The following PLCB3 variants were observed in gnomAD, a reference collection of about 807,000 sequenced individuals.
PLCB3 encodes the protein phospholipase C beta 3.
PLCB3 carries 54 observed loss-of-function variants against 152.1 expected under a neutral mutation model. That is an observed-to-expected ratio of 0.36 (90% CI 0.29 to 0.45). PLCB3 has a LOEUF of 0.45. PLCB3 is among the 20% of genes least tolerant of loss of function. The pLI is 1.00. For missense variants in PLCB3, 1,248 were observed against 1,687.5 expected (o/e 0.74, Z 4.56); for synonymous variants, 717 against 698.7 (o/e 1.03, Z -0.41).
chr11:64,251,794 A>C, intron 1 of PLCB3, 46 bp downstream of exon 1: 2 of 1,154,178 alleles, frequency 1.7e-6, no homozygotes, highest in South Asian at 4.1e-5. Context: ...GGACTCTTTC[A>C]GTCAAGCTCG....
chr11:64,266,209 G>A lies in PLCB3; in HGVS notation c.3266+7G>A, dbSNP rs372646384. On this transcript the variant is annotated splice_region_variant and intron_variant, in intron 27 of 30. Coordinates refer to ENST00000279230, the MANE Select transcript of PLCB3 (RefSeq NM_000932.5). This position sits in a 1 kb window ranked among gnomAD's most constrained non-coding sequence, Gnocchi z 4.9. ...TGAAAGAGATGAACGAGAGGTGAAA[G>A]CCGAGGATTGTCTATGGGAAGGGCT... The A allele has an allele frequency of 3.1e-6, 5 of 1,613,960 alleles. No homozygotes were observed. In the African/African-American group the frequency reaches 6.7e-5, roughly 22 times the overall value.
Position 64,266,072 on chromosome 11 carries a change from C to T in PLCB3, c.3189+33C>T. ...GCCTGCAGTGGCCAGGGAAAGCCTG[C>T]TGGATAGACCCGTCGTCAGCCCGGC... On this transcript the variant is annotated intron_variant, in intron 26 of 30. Coordinates refer to ENST00000279230, the MANE Select transcript of PLCB3 (RefSeq NM_000932.5). The surrounding 1 kb of genome is among the most constrained non-coding windows in gnomAD (Gnocchi z 4.9). The T allele has an allele frequency of 6.2e-7, 1 of 1,613,906 alleles. No homozygotes were observed. The highest frequency in any genetic ancestry group is 8.5e-7 in the Non-Finnish European group (1 of 1,179,906).
In PLCB3 at chr11:64,266,619, T is replaced by C. The variant is rs559776187; in HGVS notation, c.3414+67T>C. 7.4e-6 allele frequency: 11 copies of C among 1,485,904 alleles called. No homozygotes were observed. In the East Asian group the frequency reaches 2.3e-4, roughly 31 times the overall value. 92.0% of individuals were successfully genotyped at this position (1,485,904 alleles called of 1,614,324 possible). A position where few individuals can be genotyped will look rare whatever the true frequency, so the allele number is the denominator to read the frequency against. The stretch of plus-strand genomic sequence containing the variant: ...TTCACTCATCAGACACCCATCTCCA[T>C]GCCTGGCCTGGTGCCACGTTGCCCT... On this transcript the variant is annotated intron_variant, in intron 29 of 30. Transcript: ENST00000279230. The surrounding 1 kb of genome is among the most constrained non-coding windows in gnomAD (Gnocchi z 4.9).
In PLCB3 at chr11:64,261,444, G is replaced by C. The variant is rs200923408; in HGVS notation, c.1776G>C (p.Thr592=). Residue 592 remains threonine (T), a synonymous_variant, in exon 15 of 31, where the codon ACG becomes ACC. Transcript: ENST00000279230. ...TGAATGCCACTGAGGAGATGTCCACGCTTGTCAACTACATCGAACCTGTCA... is the reference window on the plus strand; with the variant it reads ...TGAATGCCACTGAGGAGATGTCCACCCTTGTCAACTACATCGAACCTGTCA... ...SEVNATEEMS[T]LVNYIEPVKF... 6.2e-7 allele frequency: 1 copy of C among 1,614,162 alleles called. No individual in the cohort carries two copies. The highest frequency in any genetic ancestry group is 8.5e-7 in the Non-Finnish European group (1 of 1,180,014).
chr11:64,265,940 G>A lies in PLCB3; in HGVS notation c.3090G>A (p.Arg1030=), dbSNP rs1286025199. 1.2e-6 allele frequency: 2 copies of A among 1,613,824 alleles called. No homozygotes were observed. The highest frequency in any genetic ancestry group is 1.7e-5 in the Admixed American group (1 of 60,020). The change falls in exon 26 of 31, where the codon CGG becomes CGA. Residue 1030 remains arginine, a synonymous_variant. Transcript: ENST00000279230. ...DTKEGEDEAK[R]YQEFQNRQVQ... ...AGGAGGGGGAGGACGAGGCAAAGCG[G>A]TATCAGGAGTTCCAGAACAGACAGG... is the stretch of plus-strand genomic sequence containing the variant.
Position 64,266,105 on chromosome 11 carries a change from G to C in PLCB3, c.3190-21G>C, listed in dbSNP as rs764163676. The C allele has an allele frequency of 6.2e-7, 1 of 1,614,040 alleles. No homozygotes were observed. Among genetic ancestry groups the C allele is most frequent in the South Asian group, 1.1e-5 (1 of 91,084 alleles). ...ACCCGTCGTCAGCCCGGCATCACCT[G>C]TCAGCTCCCTGTGTCCACAGGCTCT... On this transcript the variant is annotated intron_variant, in intron 26 of 30. Transcript: ENST00000279230. This position sits in a 1 kb window ranked among gnomAD's most constrained non-coding sequence, Gnocchi z 4.9.
In PLCB3 at chr11:64,263,492, C is replaced by T; in HGVS notation, c.2356-6C>T. The T allele has an allele frequency of 1.3e-6, 2 of 1,545,260 alleles. No individual in the cohort carries two copies. Among genetic ancestry groups the T allele is most frequent in the Non-Finnish European group, 1.8e-6 (2 of 1,142,784 alleles). On this transcript the variant is annotated splice_region_variant and splice_polypyrimidine_tract_variant and intron_variant, in intron 19 of 30. Transcript: ENST00000279230. ...CCCTGTGGCTCAGCTCCAGTCTGGC[C>T]CACAGGTGGTGCTGCCCACGCTGGC...
rs5792316 is a variant in PLCB3 at position 64,256,997 on chromosome 11, C to CTTTTTTTTTTTTTTTTTT, written c.1012+240_1012+257dup. On this transcript the variant is annotated intron_variant, in intron 10 of 30. Transcript: ENST00000279230. ...CTGCAGCAGGAGAGACTTCAGGGTC[C>CTTTTTTTTTTTTTTTTTT]TTTTTTTTTTTTTTTTTTTTTTTTG... Among the ~76,000 whole-genome samples the CTTTTTTTTTTTTTTTTTT allele has an allele frequency of 6.4e-3, 391 of 61,568 alleles. 1 individual carries two copies. Among genetic ancestry groups the CTTTTTTTTTTTTTTTTTT allele is most frequent in the Non-Finnish European group, 9.2e-3 (322 of 34,908 alleles). The allele number at this position is 61,568 out of a possible 152,430, so 40.4% of individuals were successfully genotyped here.
At chr11:64,265,127 G>A (rs1365592651) in intron 23 of PLCB3, 23 bp downstream of exon 23, 2 of 1,554,026 alleles carry the variant, frequency 1.3e-6, no homozygotes, top group Non-Finnish European at 1.7e-6. Context: ...CTGGGTCGGG[G>A]GTGGGCTGCA....
chr11:64,261,179 C>T (rs2031829228), intron 14 of PLCB3, among the ~76,000 whole-genome samples: 1 of 152,206 alleles, frequency 6.6e-6, no homozygotes, highest in Admixed American at 6.5e-5. Flanking sequence ...GTGGCGGGCG[C>T]CTGTAATCCC....
rs1479964063 is a variant in PLCB3 at position 64,260,226 on chromosome 11, A to G, written c.1723A>G (p.Thr575Ala). ...ACAGACAGACCCCAAAAAGCCAACT[A>G]CAGATGAGGTCAGGCCCACAGGGTG... ...EEQTDPKKPTTDEGTASSEVN... is the reference protein window; with the variant it reads ...EEQTDPKKPTADEGTASSEVN... The change falls in exon 14 of 31, where the codon ACA becomes GCA. Residue 575 changes from threonine (T) to alanine (A), a missense_variant. By Grantham distance (58) the Thr-to-Ala change is moderately conservative. Coordinates refer to ENST00000279230, the MANE Select transcript of PLCB3 (RefSeq NM_000932.5). 3 of 1,561,480 alleles carry G rather than the reference A, an allele frequency of 1.9e-6. No homozygotes were observed. In the Admixed American group the frequency reaches 5.8e-5, roughly 30 times the overall value.
chr11:64,254,745 C>T lies in PLCB3; in HGVS notation c.178-3C>T, dbSNP rs1381331657. ...ACTCAGCCTGGCATCTGGTTCCCCC[C>T]AGGAGGTGGACACACTGGACATCAG... On this transcript the variant is annotated splice_region_variant and splice_polypyrimidine_tract_variant and intron_variant, in intron 2 of 30. Transcript: ENST00000279230. 3 of 1,612,634 alleles carry T rather than the reference C, an allele frequency of 1.9e-6. No homozygotes were observed. In the South Asian group the frequency reaches 3.3e-5, roughly 18 times the overall value.
chr11:64,255,412 C>A lies in PLCB3; in HGVS notation c.484C>A (p.Leu162Met). ...CCTTCCCAGATACACGAAGCTGAAG[C>A]TGCAGGTGAACCAGGATGGTCGGAT... ...FLRKAYTKLKLQVNQDGRIPV... is the reference protein window; with the variant it reads ...FLRKAYTKLKMQVNQDGRIPV... The change falls in exon 6 of 31, where the codon CTG becomes ATG. Residue 162 changes from leucine (L) to methionine (M), a missense_variant. Physicochemically the swap from Leu to Met is conservative, Grantham distance 15. Coordinates refer to ENST00000279230, the MANE Select transcript of PLCB3 (RefSeq NM_000932.5). This position sits in a 1 kb window ranked among gnomAD's most constrained non-coding sequence, Gnocchi z 6.8. The A allele has an allele frequency of 1.9e-6, 3 of 1,614,182 alleles. No homozygotes were observed. The highest frequency in any genetic ancestry group is 2.5e-6 in the Non-Finnish European group (3 of 1,180,020).
At chr11:64,268,082 G>A (rs1433801311), downstream of PLCB3, among the ~76,000 whole-genome samples, 1 of 152,086 alleles carries the variant, frequency 6.6e-6, no homozygotes, top group Non-Finnish European at 1.5e-5. Flanking sequence ...CTGAGCTTCC[G>A]TGGCCTTCTG....
chr11:64,259,914 G>C, intron 13 of PLCB3, 115 bp from the exon 14 acceptor site: 1 of 819,688 alleles, frequency 1.2e-6, no homozygotes, highest in Non-Finnish European at 1.9e-6. Context: ...TGCCCTGAGA[G>C]TACCCCTTGA....
intron 19 of PLCB3, 89 bp downstream of exon 19, chr11:64,262,897 A>G (rs2031927991): frequency 2.2e-6 from 3 of 1,342,792 alleles, no homozygotes; most frequent in Admixed American, 3.6e-5. Context: ...AACCAGGCAC[A>G]CCGTTGGCGA....
Position 64,255,533 on chromosome 11 carries a change from C to T in PLCB3, c.522-8C>T, listed in dbSNP as rs574244020. 39 of 1,614,072 alleles carry T rather than the reference C, an allele frequency of 2.4e-5. No homozygotes were observed. In the South Asian group the frequency reaches 3.4e-4, roughly 14 times the overall value. The stretch of plus-strand genomic sequence containing the variant: ...CCACTGACCCTGAACCCCTCCTGCC[C>T]GCATCAGCATCCTGAAGATGTTCTC... On this transcript the variant is annotated splice_polypyrimidine_tract_variant and splice_region_variant and intron_variant, in intron 6 of 30. Coordinates refer to ENST00000279230, the MANE Select transcript of PLCB3 (RefSeq NM_000932.5). This position sits in a 1 kb window ranked among gnomAD's most constrained non-coding sequence, Gnocchi z 6.8.
At chr11:64,254,232 C>T (rs1356068900) in intron 1 of PLCB3, among the ~76,000 whole-genome samples, 183 bp from the exon 2 acceptor site, 1 of 152,094 alleles carries the variant, frequency 6.6e-6, no homozygotes, top group Non-Finnish European at 1.5e-5. Flanking sequence ...CACTAAATGT[C>T]ACACCTAGGA....
chr11:64,252,167 G>T (rs1053882817), intron 1 of PLCB3, among the ~76,000 whole-genome samples: 2 of 151,994 alleles, frequency 1.3e-5, no homozygotes, highest in African/African-American at 4.8e-5. Flanking sequence ...GTGTGCCAGG[G>T]CGCCCCTACT....
Sources: allele counts gnomAD v4.1 joint callset (sites outside exome capture counted in the v4.1 genomes callset), GRCh38; gene constraint gnomAD v4.1.1; non-coding constraint Gnocchi (gnomAD v3.1); transcripts MANE v1.5; gene names NCBI Gene and HGNC (gene_info 2026-07-23, HGNC 2026-07-21).